Variants in DIS3L2 observed in about 807,000 individuals in gnomAD.
The protein encoded by DIS3L2 is DIS3 like 3'-5' exoribonuclease 2.
A neutral mutation model predicts 97.5 loss-of-function variants in DIS3L2; 34 were observed. The observed-to-expected ratio is 0.35, with a 90% confidence interval of 0.27 to 0.46. DIS3L2 has a LOEUF of 0.46. Ranked by LOEUF, DIS3L2 falls within the 20% of genes least tolerant of loss-of-function variation. The probability of loss-of-function intolerance (pLI) is 1.00; values close to 1 mark genes in which losing one functional copy is unlikely to be tolerated. For missense variants in DIS3L2, 1,038 were observed against 1,146.0 expected (o/e 0.91, Z 1.36); for synonymous variants, 435 against 445.2 (o/e 0.98, Z 0.29).
intron 11 of DIS3L2, 55 bp downstream of exon 11, chr2:232,238,700 C>A: frequency 1.4e-6 from 2 of 1,466,352 alleles, no homozygotes; most frequent in Non-Finnish European, 9.4e-7. Context: ...GTTTGTTTCC[C>A]TGGAAGAGTG....
At chr2:232,080,529 A>G (rs770185781) in intron 5 of DIS3L2, among the ~76,000 whole-genome samples, 10 of 152,118 alleles carry the variant, frequency 6.6e-5, no homozygotes, top group Non-Finnish European at 1.3e-4. Flanking sequence ...TAACGAATTA[A>G]TGATATTCAT....
intron 10 of DIS3L2, among the ~76,000 whole-genome samples, chr2:232,237,184 C>T (rs933892974): frequency 6.6e-6 from 1 of 151,956 alleles, no homozygotes; most frequent in African/African-American, 2.4e-5. Context: ...TTTTCACATA[C>T]ACTATATTTG....
intron 5 of DIS3L2, among the ~76,000 whole-genome samples, chr2:232,080,861 G>A (rs1336568476): frequency 1.4e-5 from 2 of 145,874 alleles, no homozygotes; most frequent in African/African-American, 2.6e-5. Flanking sequence ...AGGTGGTGCC[G>A]CTGCACTCAA....
intron 10 of DIS3L2, among the ~76,000 whole-genome samples, chr2:232,235,575 G>A (rs1692910628): frequency 6.6e-6 from 1 of 152,096 alleles, no homozygotes; most frequent in Non-Finnish European, 1.5e-5. Context: ...CTCCTGTAAT[G>A]AACTCTTTGT....
At position 232,269,001 on chromosome 2, in the gene DIS3L2, T is replaced by C. The variant is rs1693916636; in HGVS notation, c.1659+5561T>C. 6.6e-6 allele frequency among the ~76,000 whole-genome samples: 1 copy of C among 152,242 alleles called. No homozygotes were observed. Among genetic ancestry groups the C allele is most frequent in the South Asian group, 2.1e-4 (1 of 4,838 alleles). On this transcript the variant is annotated intron_variant, in intron 13 of 20. Transcript: ENST00000325385. The surrounding 1 kb of genome is among the most constrained non-coding windows in gnomAD (Gnocchi z 4.5). The stretch of plus-strand genomic sequence containing the variant: ...TATTCCATTTACAGGCAGGTCGCTT[T>C]AATTAGCCTGAAGCAAAAGGAGCAG...
chr2:232,046,200 A>G (rs1367020802), intron 5 of DIS3L2, among the ~76,000 whole-genome samples: 1 of 152,116 alleles, frequency 6.6e-6, no homozygotes, highest in Non-Finnish European at 1.5e-5. Flanking sequence ...TGTCTTTTGA[A>G]AGGGAGGAGG....
intron 15 of DIS3L2, 30 bp from the exon 16 acceptor site, chr2:232,330,660 G>A (rs774634530): frequency 3.2e-5 from 52 of 1,612,404 alleles, no homozygotes; most frequent in Non-Finnish European, 4.0e-5. Flanking sequence ...TGGACCACAC[G>A]TCACATAGGT....
At chr2:232,142,777 T>G (rs1425515271) in intron 8 of DIS3L2, among the ~76,000 whole-genome samples, 1 of 152,174 alleles carries the variant, frequency 6.6e-6, no homozygotes. Flanking sequence ...AAATAATACA[T>G]AAAATATACA....
chr2:232,321,731 G>C (rs1434552143), intron 14 of DIS3L2, among the ~76,000 whole-genome samples: 1 of 152,216 alleles, frequency 6.6e-6, no homozygotes, highest in Non-Finnish European at 1.5e-5. Flanking sequence ...CCGTGGCGCG[G>C]GCCTGAGTGC....
intron 12 of DIS3L2, among the ~76,000 whole-genome samples, chr2:232,262,633 A>T (rs958594949): frequency 7.2e-5 from 11 of 152,344 alleles, no homozygotes; most frequent in Admixed American, 7.2e-4. Context: ...CCAACAAGGA[A>T]TTATTCAGCC....
At chr2:232,217,824 T>C (rs1692383419) in intron 10 of DIS3L2, among the ~76,000 whole-genome samples, 2 of 152,230 alleles carry the variant, frequency 1.3e-5, no homozygotes, top group South Asian at 4.1e-4. Flanking sequence ...CTCTGAACCC[T>C]GTCCTATTGG....
intron 14 of DIS3L2, among the ~76,000 whole-genome samples, chr2:232,310,287 G>A (rs548244828): frequency 1.3e-5 from 2 of 152,314 alleles, no homozygotes; most frequent in South Asian, 2.1e-4. Context: ...CCAGAGAGGT[G>A]CCAGGCGTGA....
At chr2:232,040,642 T>A (rs1047029036) in intron 5 of DIS3L2, among the ~76,000 whole-genome samples, 2 of 152,242 alleles carry the variant, frequency 1.3e-5, no homozygotes, top group African/African-American at 2.4e-5. Context: ...ATATAAACCC[T>A]GTGGGTGCTA....
intron 12 of DIS3L2, among the ~76,000 whole-genome samples, chr2:232,253,040 A>G (rs1273661528): frequency 6.6e-6 from 1 of 152,164 alleles, no homozygotes; most frequent in African/African-American, 2.4e-5. Context: ...TTCAAGTAAA[A>G]ATGGTGTTCC....
At chr2:232,028,249 T>C (rs1356667423) in intron 4 of DIS3L2, among the ~76,000 whole-genome samples, 1 of 152,156 alleles carries the variant, frequency 6.6e-6, no homozygotes, top group Non-Finnish European at 1.5e-5. Flanking sequence ...TTCTATTATC[T>C]ATTCTTTCTG....
At chr2:232,318,919 T>C (rs1364544046) in intron 14 of DIS3L2, among the ~76,000 whole-genome samples, 1 of 152,202 alleles carries the variant, frequency 6.6e-6, no homozygotes, top group Admixed American at 6.5e-5. Flanking sequence ...CCACCGTCTC[T>C]CCCTGAAACC....
At chr2:232,069,920 TA>T (rs1279310300) in intron 5 of DIS3L2, among the ~76,000 whole-genome samples, 1 of 152,202 alleles carries the variant, frequency 6.6e-6, no homozygotes, top group African/African-American at 2.4e-5. Flanking sequence ...TTACATAAGC[TA>T]ATAAGTTACT....
chr2:232,076,841 A>G lies in DIS3L2; in HGVS notation c.367-10646A>G, dbSNP rs76173626. On this transcript the variant is annotated intron_variant, in intron 5 of 20. Transcript: ENST00000325385. The stretch of plus-strand genomic sequence containing the variant: ...TTCTAAAATTCTGCCAGCTTTTTAG[A>G]TTACATCTTCCTTAGCTATTTCCCA... 4.7e-3 allele frequency among the ~76,000 whole-genome samples: 720 copies of G among 152,216 alleles called. 9 individuals are homozygous for G. The highest frequency in any genetic ancestry group is 0.017 in the African/African-American group (690 of 41,524).
chr2:232,160,300 T>G (rs145545492), intron 8 of DIS3L2, among the ~76,000 whole-genome samples: 454 of 152,328 alleles, frequency 3.0e-3, no homozygotes, highest in African/African-American at 0.01. Context: ...AATAGATACA[T>G]TAGATAAAAT....
Sources: gnomAD v4.1 joint callset for allele counts (sites outside exome capture counted in the v4.1 genomes callset) on GRCh38, gnomAD v4.1.1 for gene constraint, Gnocchi (gnomAD v3.1) non-coding constraint, MANE v1.5 for transcripts, NCBI Gene and HGNC (gene_info 2026-07-23, HGNC 2026-07-21) for gene names.